Variants in AXIN1 observed in about 807,000 individuals in gnomAD.
The protein encoded by AXIN1 is axin-1.
A neutral mutation model predicts 76.4 loss-of-function variants in AXIN1; 30 were observed. The observed-to-expected ratio is 0.39, with a 90% CI of 0.29 to 0.53. AXIN1 has a LOEUF of 0.53. Ranked by LOEUF, AXIN1 falls within the 20% of genes least tolerant of loss-of-function variation. AXIN1 has a pLI of 0.66. For synonymous variants in AXIN1, 545 were observed against 501.4 expected (o/e 1.09, Z -1.16); for missense variants, 1,140 against 1,198.8 (o/e 0.95, Z 0.72).
At chr16:338,172 C>T (rs939112244) in intron 2 of AXIN1, among the ~76,000 whole-genome samples, 4 of 152,202 alleles carry the variant, frequency 2.6e-5, no homozygotes, top group Non-Finnish European at 4.4e-5. Context: ...ATGACGTCTG[C>T]GTTTGACAAG....
intron 5 of AXIN1, among the ~76,000 whole-genome samples, 161 bp downstream of exon 5, chr16:304,143 G>A (rs3752595): frequency 0.11 from 17,334 of 152,248 alleles, 1,252 homozygotes; most frequent in South Asian, 0.2. Context: ...GCTGGGGCTC[G>A]GCTGCAGAGA....
chr16:310,271 G>A (rs551213610), intron 3 of AXIN1, among the ~76,000 whole-genome samples: 10 of 152,332 alleles, frequency 6.6e-5, no homozygotes, highest in Non-Finnish European at 7.4e-5. Flanking sequence ...AGGTTCACAC[G>A]TGATGGTAAA....
At chr16:318,438 T>C (rs1463233244) in intron 2 of AXIN1, among the ~76,000 whole-genome samples, 2 of 152,106 alleles carry the variant, frequency 1.3e-5, no homozygotes, top group Admixed American at 6.6e-5. Flanking sequence ...ACTATTGATC[T>C]TCGTAACAAT....
rs551714260 is a variant in AXIN1 at position 342,164 on chromosome 16, C to T, written c.878+3984G>A. Among the ~76,000 whole-genome samples the T allele has an allele frequency of 8.5e-5, 13 of 152,156 alleles. No individual in the cohort carries two copies. The South Asian group carries it at 1.0e-3, about 12-fold the overall frequency. ...CTTGCTGCTGCTCACTCTTTGGGTCCACACTGCCTTTATGAGCTGTAACAC... is the reference window on the plus strand; with the variant it reads ...CTTGCTGCTGCTCACTCTTTGGGTCTACACTGCCTTTATGAGCTGTAACAC... On this transcript the variant is annotated intron_variant, in intron 2 of 10. Transcript: ENST00000262320.
chr16:318,346 AG>A (rs1253380835), intron 2 of AXIN1, among the ~76,000 whole-genome samples: 1 of 152,230 alleles, frequency 6.6e-6, no homozygotes, highest in Non-Finnish European at 1.5e-5. Flanking sequence ...ACTGCACACA[AG>A]CACCAAGGTC....
At chr16:295,930 G>A (rs569703911) in intron 7 of AXIN1, among the ~76,000 whole-genome samples, 5 of 152,220 alleles carry the variant, frequency 3.3e-5, no homozygotes, top group South Asian at 4.1e-4. Flanking sequence ...TTGCACCACT[G>A]CACTCCAGCC....
At chr16:352,019 C>T (rs1472777714) in intron 1 of AXIN1, among the ~76,000 whole-genome samples, 1 of 152,166 alleles carries the variant, frequency 6.6e-6, no homozygotes, top group Non-Finnish European at 1.5e-5. Flanking sequence ...GACCCGGACC[C>T]GGCACGCGGC....
Position 335,006 on chromosome 16 carries a change from A to T in AXIN1, c.878+11142T>A, listed in dbSNP as rs142807012. ...AAAGGAGTTTCACTTTACCCAAATG[A>T]ACCAAACGCAACCAACTCATGAGAA... On this transcript the variant is annotated intron_variant, in intron 2 of 10. Transcript: ENST00000262320. Among the ~76,000 whole-genome samples the T allele has an allele frequency of 1.8e-3, 278 of 152,290 alleles. 1 individual carries two copies. Among genetic ancestry groups the T allele is most frequent in the African/African-American group, 6.4e-3 (264 of 41,538 alleles).
chr16:291,087 T>C, intron 9 of AXIN1, 103 bp downstream of exon 9: 1 of 1,087,918 alleles, frequency 9.2e-7, no homozygotes, highest in South Asian at 1.3e-5. Flanking sequence ...CTGAGCGTGG[T>C]ACCCGAGCTC....
At chr16:298,467 G>C (rs990228759) in intron 5 of AXIN1, among the ~76,000 whole-genome samples, 2 of 152,216 alleles carry the variant, frequency 1.3e-5, no homozygotes, top group Non-Finnish European at 2.9e-5. Context: ...GGAATGCAGC[G>C]TATGTATCGG....
chr16:339,128 T>C (rs2053862858), intron 2 of AXIN1, among the ~76,000 whole-genome samples: 1 of 141,772 alleles, frequency 7.1e-6, no homozygotes, highest in Admixed American at 7.4e-5. Flanking sequence ...CTGCAACCCC[T>C]GCACTTTGGG....
At chr16:321,388 C>T (rs2053454202) in intron 2 of AXIN1, among the ~76,000 whole-genome samples, 1 of 152,228 alleles carries the variant, frequency 6.6e-6, no homozygotes, top group African/African-American at 2.4e-5. Flanking sequence ...ATAGCACGTG[C>T]CCCACCCCGC....
At chr16:324,047 G>A (rs1597074132) in intron 2 of AXIN1, among the ~76,000 whole-genome samples, 1 of 152,268 alleles carries the variant, frequency 6.6e-6, no homozygotes, top group East Asian at 1.9e-4. Flanking sequence ...TAGCCCACAG[G>A]AAACCCTGCA....
At chr16:311,341 T>G (rs2053173074) in intron 3 of AXIN1, among the ~76,000 whole-genome samples, 1 of 152,074 alleles carries the variant, frequency 6.6e-6, no homozygotes, top group Non-Finnish European at 1.5e-5. Flanking sequence ...GCAACAGGTT[T>G]TCTTTATGAA....
At chr16:350,359 T>C (rs934293676) in intron 1 of AXIN1, among the ~76,000 whole-genome samples, 2 of 152,210 alleles carry the variant, frequency 1.3e-5, no homozygotes, top group Non-Finnish European at 2.9e-5. Context: ...CAGTATCAAA[T>C]GCCTGCAAGC....
In AXIN1 at chr16:297,038, T is replaced by C. The variant is rs757046591; in HGVS notation, c.1955+18A>G. 20 of 1,608,530 alleles carry C rather than the reference T, an allele frequency of 1.2e-5. No individual in the cohort carries two copies. Among genetic ancestry groups the C allele is most frequent in the Non-Finnish European group, 8.5e-7 (1 of 1,179,808 alleles). On this transcript the variant is annotated intron_variant, in intron 7 of 10. Coordinates refer to ENST00000262320, the MANE Select transcript of AXIN1 (RefSeq NM_003502.4). ...GCAAAGCAGGCCCCACGAGGCTGGC[T>C]GCGTGCGGGGTGCTCACCCGTGGCC...
At chr16:309,586 A>G (rs1421697024) in intron 4 of AXIN1, among the ~76,000 whole-genome samples, 1 of 152,128 alleles carries the variant, frequency 6.6e-6, no homozygotes, top group Non-Finnish European at 1.5e-5. Context: ...TCAGCCACAA[A>G]AACACCAAGT....
At chr16:349,870 C>T (rs1184458204) in intron 1 of AXIN1, among the ~76,000 whole-genome samples, 1 of 152,218 alleles carries the variant, frequency 6.6e-6, no homozygotes, top group Non-Finnish European at 1.5e-5. Context: ...GCGATCTCAG[C>T]TCACTGCAGC....
chr16:288,959 C>T (rs2052472044), intron 10 of AXIN1, among the ~76,000 whole-genome samples: 1 of 152,244 alleles, frequency 6.6e-6, no homozygotes, highest in Non-Finnish European at 1.5e-5. Flanking sequence ...ACGGGGGTCC[C>T]TTTGGACCCT....
Sources: gnomAD v4.1 joint callset for allele counts (sites outside exome capture counted in the v4.1 genomes callset) on GRCh38, gnomAD v4.1.1 for gene constraint, MANE v1.5 for transcripts, NCBI Gene and HGNC (gene_info 2026-07-23, HGNC 2026-07-21) for gene names.